Variants in AGBL4 observed in about 807,000 individuals in gnomAD.
The protein encoded by AGBL4 is cytosolic carboxypeptidase 6.
Under a neutral mutation model 66.4 loss-of-function variants are expected in AGBL4, and 58 were observed. That is an observed-to-expected ratio of 0.87 (90% CI 0.71 to 1.09). AGBL4 has a LOEUF of 1.09. Ranked by LOEUF, AGBL4 falls within the 50% of genes least tolerant of loss-of-function variation. The pLI, the probability that AGBL4 is intolerant of heterozygous loss-of-function variation, is 0.00. For synonymous variants in AGBL4, 234 were observed against 222.9 expected, an observed-to-expected ratio of 1.05 and a Z score of -0.44; for missense variants, 579 against 631.0, an observed-to-expected ratio of 0.92 and a Z score of 0.88.
intron 3 of AGBL4, among the ~76,000 whole-genome samples, chr1:49,361,800 C>A (rs1644141677): frequency 6.6e-6 from 1 of 151,986 alleles, no homozygotes; most frequent in Non-Finnish European, 1.5e-5. Context: ...TTAATCTCTT[C>A]TGTGTTCCTT....
At chr1:48,989,638 G>T (rs1022514634) in intron 5 of AGBL4, among the ~76,000 whole-genome samples, 1 of 152,024 alleles carries the variant, frequency 6.6e-6, no homozygotes, top group Non-Finnish European at 1.5e-5. Flanking sequence ...TTTGTCATTC[G>T]GTGCCTGGCT....
chr1:48,779,586 G>A (rs566451342), intron 6 of AGBL4, among the ~76,000 whole-genome samples: 3 of 152,212 alleles, frequency 2.0e-5, no homozygotes, highest in African/African-American at 7.2e-5. Flanking sequence ...TAGCATCCCA[G>A]GTACCTAGCA....
At chr1:49,508,724 G>A (rs374961459) in intron 3 of AGBL4, among the ~76,000 whole-genome samples, 26 of 151,726 alleles carry the variant, frequency 1.7e-4, no homozygotes, top group African/African-American at 2.7e-4. Flanking sequence ...AATTTCATCC[G>A]TAAAATGAAA....
At chr1:48,614,252 A>G (rs537606124) in intron 9 of AGBL4, among the ~76,000 whole-genome samples, 2 of 152,342 alleles carry the variant, frequency 1.3e-5, no homozygotes, top group South Asian at 4.1e-4. Context: ...ATGCTAAGGA[A>G]AAAAAAGGTA....
chr1:49,351,193 TC>T lies in AGBL4; in HGVS notation c.283-105330del, dbSNP rs984742397. On this transcript the variant is annotated intron_variant, in intron 3 of 13. Transcript: ENST00000371839. ...CATCCTGCCTGCTATCCACCATTTTTCCCCCGAATTTTACAATGAACAACTG... is the reference window on the plus strand; with the variant it reads ...CATCCTGCCTGCTATCCACCATTTTTCCCCGAATTTTACAATGAACAACTG... Among the ~76,000 whole-genome samples the T allele has an allele frequency of 7.4e-4, 113 of 152,056 alleles. 1 individual carries two copies. Among genetic ancestry groups the T allele is most frequent in the African/African-American group, 2.7e-3 (110 of 41,388 alleles).
chr1:48,626,138 CTGTT>C (rs1645498812), intron 9 of AGBL4, among the ~76,000 whole-genome samples: 1 of 152,194 alleles, frequency 6.6e-6, no homozygotes, highest in African/African-American at 2.4e-5. Context: ...GAGTGGAAAA[CTGTT>C]TGAGCAGACC....
At chr1:49,130,431 G>T (rs1645866151) in intron 4 of AGBL4, among the ~76,000 whole-genome samples, 1 of 152,142 alleles carries the variant, frequency 6.6e-6, no homozygotes, top group Non-Finnish European at 1.5e-5. Flanking sequence ...TTCTTCTAAG[G>T]TTTTTATGGT....
chr1:49,713,402 T>C (rs1310215427), intron 2 of AGBL4, among the ~76,000 whole-genome samples: 1 of 152,066 alleles, frequency 6.6e-6, no homozygotes, highest in African/African-American at 2.4e-5. Flanking sequence ...TTCATTAACA[T>C]AGATAGTTCT....
intron 9 of AGBL4, among the ~76,000 whole-genome samples, chr1:48,616,223 A>T (rs1203566773): frequency 6.6e-6 from 1 of 152,156 alleles, no homozygotes; most frequent in Non-Finnish European, 1.5e-5. Flanking sequence ...ACTGATCAGA[A>T]CTTGAATTTT....
intron 3 of AGBL4, among the ~76,000 whole-genome samples, chr1:49,574,548 G>A (rs556943839): frequency 1.1e-4 from 17 of 152,260 alleles, no homozygotes; most frequent in South Asian, 4.1e-4. Context: ...CTTGACAAAT[G>A]CCTTGTGAAA....
intron 4 of AGBL4, among the ~76,000 whole-genome samples, chr1:49,122,400 G>A (rs1645676213): frequency 6.6e-6 from 1 of 152,108 alleles, no homozygotes; most frequent in Non-Finnish European, 1.5e-5. Context: ...TATCTTAACA[G>A]TTGATGGCTT....
At chr1:49,593,677 A>AC (rs1644798118) in intron 3 of AGBL4, among the ~76,000 whole-genome samples, 1 of 152,118 alleles carries the variant, frequency 6.6e-6, no homozygotes, top group Admixed American at 6.6e-5. Flanking sequence ...AGGTTACATA[A>AC]CCTTTGTCTT....
chr1:48,972,586 C>T (rs1358431661), intron 5 of AGBL4, among the ~76,000 whole-genome samples: 2 of 152,124 alleles, frequency 1.3e-5, no homozygotes, highest in African/African-American at 4.8e-5. Context: ...GACTTTCTTA[C>T]AGCGTAGCTA....
chr1:49,067,913 C>A (rs990971849), intron 4 of AGBL4, among the ~76,000 whole-genome samples: 2 of 151,388 alleles, frequency 1.3e-5, no homozygotes, highest in South Asian at 2.1e-4. Flanking sequence ...CCCAGCCCCC[C>A]ACACCCCGAC....
chr1:48,971,638 C>T (rs185230619), intron 5 of AGBL4, among the ~76,000 whole-genome samples: 3 of 152,146 alleles, frequency 2.0e-5, no homozygotes, highest in African/African-American at 7.2e-5. Context: ...GCAATGGAAT[C>T]AAAAGTGGCT....
At chr1:49,897,877 G>A (rs1009491328) in intron 1 of AGBL4, among the ~76,000 whole-genome samples, 2 of 151,706 alleles carry the variant, frequency 1.3e-5, no homozygotes, top group African/African-American at 4.8e-5. Flanking sequence ...GGAAAGGACA[G>A]TCTGTTCAAT....
Position 48,816,640 on chromosome 1 carries a change from T to C in AGBL4, c.634+50551A>G, listed in dbSNP as rs867415614. 8.5e-5 allele frequency among the ~76,000 whole-genome samples: 13 copies of C among 152,328 alleles called. No individual in the cohort carries two copies. The Middle Eastern group carries it at 0.01, about 120-fold the overall frequency. ...CAAGGATTATGGTAACTAGTCCCTA[T>C]AATCAATAAGAAACCTCTGGTACCC... On this transcript the variant is annotated intron_variant, in intron 6 of 13. Transcript: ENST00000371839.
At chr1:49,059,532 C>A (rs887696665) in intron 4 of AGBL4, among the ~76,000 whole-genome samples, 1 of 152,222 alleles carries the variant, frequency 6.6e-6, no homozygotes, top group African/African-American at 2.4e-5. Context: ...ACAGAGTTCC[C>A]ACTGGGGCAC....
At chr1:48,947,208 C>T (rs1418691154) in intron 5 of AGBL4, among the ~76,000 whole-genome samples, 1 of 152,230 alleles carries the variant, frequency 6.6e-6, no homozygotes, top group Non-Finnish European at 1.5e-5. Flanking sequence ...TAGGCCTCCC[C>T]TTGTATGTTT....
Sources: allele counts gnomAD v4.1 joint callset (sites outside exome capture counted in the v4.1 genomes callset), GRCh38; gene constraint gnomAD v4.1.1; transcripts MANE v1.5; gene names NCBI Gene and HGNC (gene_info 2026-07-23, HGNC 2026-07-21).